The following NRG1 variants were observed in gnomAD, a reference collection of about 807,000 sequenced individuals.
NRG1 encodes the protein pro-neuregulin-1, membrane-bound isoform.
Under a neutral mutation model 63.8 loss-of-function variants are expected in NRG1, and 18 were observed. The ratio of observed to expected loss-of-function variants is 0.28; its 90% CI spans 0.19 to 0.42. The LOEUF is 0.42. Among genes scored for constraint, NRG1 ranks in the 10% least tolerant of loss-of-function variants. The probability of loss-of-function intolerance (pLI) is 1.00; values close to 1 mark genes in which losing one functional copy is unlikely to be tolerated. For missense variants in NRG1, 762 were observed against 814.7 expected (o/e 0.94, Z 0.79); for synonymous variants, 302 against 301.3 (o/e 1.00, Z -0.02).
chr8:31,769,897 C>G (rs1818442216), intron 1 of NRG1, among the ~76,000 whole-genome samples: 1 of 152,096 alleles, frequency 6.6e-6, no homozygotes, highest in Admixed American at 6.6e-5. Flanking sequence ...ACAGCAAACC[C>G]TAAGGGGAAA....
chr8:32,138,137 A>G (rs545994041), intron 1 of NRG1, among the ~76,000 whole-genome samples: 1 of 152,190 alleles, frequency 6.6e-6, no homozygotes, highest in South Asian at 2.1e-4. Flanking sequence ...ATCTCTACAT[A>G]TTTAGCAATC....
intron 5 of NRG1, among the ~76,000 whole-genome samples, chr8:32,619,784 G>T (rs1563782525): frequency 6.6e-6 from 1 of 151,992 alleles, no homozygotes; most frequent in Non-Finnish European, 1.5e-5. Context: ...TGTTTTACTT[G>T]TTTTTTTATA....
In NRG1 at chr8:32,548,441, A is replaced by G. The variant is rs1214349834; in HGVS notation, c.-286A>G. Reference sequence around the variant, plus strand: ...GTTGCGAGGGCGCCGGGCAGAGGCCAGGACGCGAGCCGCCAGCGGTGGGAC... The same window carrying G: ...GTTGCGAGGGCGCCGGGCAGAGGCCGGGACGCGAGCCGCCAGCGGTGGGAC... On this transcript the variant is annotated 5_prime_UTR_variant, in exon 1 of 12. Transcript: ENST00000356819. 8.7e-6 allele frequency: 10 copies of G among 1,148,032 alleles called. No individual in the cohort carries two copies. The East Asian group carries it at 3.6e-4, about 41-fold the overall frequency. 71.1% of individuals were successfully genotyped at this position (1,148,032 alleles called of 1,614,324 possible).
At chr8:32,684,264 T>C (rs976311023) in intron 5 of NRG1, among the ~76,000 whole-genome samples, 1 of 152,220 alleles carries the variant, frequency 6.6e-6, no homozygotes, top group Non-Finnish European at 1.5e-5. Context: ...GTCAGGCTTA[T>C]ACTCAGATCT....
intron 1 of NRG1, among the ~76,000 whole-genome samples, chr8:31,721,805 A>T (rs1238123067): frequency 6.6e-6 from 1 of 151,898 alleles, no homozygotes; most frequent in Non-Finnish European, 1.5e-5. Context: ...GCATCTCCTC[A>T]GTTGTCCAGG....
At chr8:32,612,897 G>A (rs548367498) in intron 3 of NRG1, among the ~76,000 whole-genome samples, 1 of 151,118 alleles carries the variant, frequency 6.6e-6, no homozygotes, top group East Asian at 2.0e-4. Flanking sequence ...TGGAAACATG[G>A]CCCTTCTAGA....
chr8:32,284,874 C>T (rs1178246047), intron 1 of NRG1, among the ~76,000 whole-genome samples: 1 of 152,104 alleles, frequency 6.6e-6, no homozygotes, highest in Non-Finnish European at 1.5e-5. Context: ...TAACAATGCC[C>T]AGAGCATATG....
chr8:32,443,736 T>C (rs1819857096), intron 1 of NRG1, among the ~76,000 whole-genome samples: 1 of 152,208 alleles, frequency 6.6e-6, no homozygotes, highest in South Asian at 2.1e-4. Flanking sequence ...CCTTCCTAGA[T>C]AGAAGCATTT....
chr8:31,920,378 A>C (rs1283372381), intron 1 of NRG1, among the ~76,000 whole-genome samples: 3 of 152,184 alleles, frequency 2.0e-5, no homozygotes, highest in African/African-American at 2.4e-5. Context: ...TTCTGAAGGA[A>C]TATACTGGCA....
chr8:32,115,112 C>A (rs943655806), intron 1 of NRG1, among the ~76,000 whole-genome samples: 5 of 151,864 alleles, frequency 3.3e-5, no homozygotes, highest in African/African-American at 9.7e-5. Flanking sequence ...CTCACTGCAA[C>A]CTTTGCCTCC....
chr8:32,002,691 A>G (rs1003523311), intron 1 of NRG1, among the ~76,000 whole-genome samples: 1 of 152,070 alleles, frequency 6.6e-6, no homozygotes, highest in Admixed American at 6.6e-5. Flanking sequence ...TGTGATTGTT[A>G]CTATTGGGGT....
intron 1 of NRG1, among the ~76,000 whole-genome samples, chr8:32,189,507 T>C (rs1367698493): frequency 1.3e-5 from 2 of 152,194 alleles, no homozygotes; most frequent in Non-Finnish European, 2.9e-5. Flanking sequence ...TAATGTGCAA[T>C]TGGTAAATTT....
intron 1 of NRG1, among the ~76,000 whole-genome samples, chr8:31,845,040 G>A (rs552591941): frequency 9.9e-5 from 15 of 152,168 alleles, no homozygotes; most frequent in African/African-American, 3.6e-4. Context: ...CCGGGAGGCG[G>A]AGGTTGCAGT....
At chr8:31,728,149 C>A (rs1813640662) in intron 1 of NRG1, among the ~76,000 whole-genome samples, 1 of 152,100 alleles carries the variant, frequency 6.6e-6, no homozygotes, top group African/African-American at 2.4e-5. Flanking sequence ...AGTGAAACTG[C>A]AGATATGGGA....
At chr8:31,674,241 T>C (rs1807449696) in intron 1 of NRG1, among the ~76,000 whole-genome samples, 1 of 152,226 alleles carries the variant, frequency 6.6e-6, no homozygotes, top group Non-Finnish European at 1.5e-5. Flanking sequence ...CAAATCTTTG[T>C]GCAGACATAC....
intron 1 of NRG1, among the ~76,000 whole-genome samples, chr8:32,549,927 C>T (rs553175633): frequency 6.6e-6 from 1 of 152,326 alleles, no homozygotes; most frequent in Admixed American, 6.5e-5. Context: ...ACCCCCAACA[C>T]ACATTTCATG....
At chr8:31,881,740 G>A (rs528797204) in intron 1 of NRG1, among the ~76,000 whole-genome samples, 1 of 152,256 alleles carries the variant, frequency 6.6e-6, no homozygotes, top group African/African-American at 2.4e-5. Context: ...TTGCTGATAT[G>A]GAGAAAGTTT....
chr8:32,664,263 T>C (rs1803580569), intron 5 of NRG1, among the ~76,000 whole-genome samples: 1 of 150,898 alleles, frequency 6.6e-6, no homozygotes, highest in South Asian at 2.1e-4. Flanking sequence ...TAAGGTAGTA[T>C]ATGAGATGTA....
chr8:32,101,405 GAAA>G (rs921732971), intron 1 of NRG1, among the ~76,000 whole-genome samples: 1 of 151,310 alleles, frequency 6.6e-6, no homozygotes, highest in Non-Finnish European at 1.5e-5. Context: ...GAATAAAAAG[GAAA>G]AGCTTGTTCC....
Sources: allele counts gnomAD v4.1 joint callset (sites outside exome capture counted in the v4.1 genomes callset), GRCh38; gene constraint gnomAD v4.1.1; transcripts MANE v1.5; gene names NCBI Gene and HGNC (gene_info 2026-07-23, HGNC 2026-07-21).